DDX51: variants seen among roughly 807,000 people sequenced by gnomAD.
DDX51 encodes DEAD-box helicase 51.
DDX51 carries 67 observed loss-of-function variants against 74.6 expected under a neutral mutation model. The ratio of observed to expected loss-of-function variants is 0.90; its 90% CI spans 0.74 to 1.10. The LOEUF (loss-of-function observed/expected upper bound fraction) is 1.10. Ranked by LOEUF, DDX51 falls within the 50% of genes least tolerant of loss-of-function variation. DDX51 has a pLI of 0.00. For missense variants in DDX51, 1,056 were observed against 905.2 expected (o/e 1.17, Z -2.14); for synonymous variants, 545 against 402.9 (o/e 1.35, Z -4.22).
At chr12:132,139,331 C>A in intron 14 of DDX51, 33 bp from the exon 15 acceptor site, 4 of 1,603,306 alleles carry the variant, frequency 2.5e-6, no homozygotes, top group Non-Finnish European at 3.4e-6. Flanking sequence ...CAGCACCACA[C>A]ACTCTGTCCC....
In DDX51 at chr12:132,136,811, A is replaced by T. The variant is rs1565951493; in HGVS notation, c.*2461T>A. ...CTTGAGTAGTTGGGACTCCAGGCAC[A>T]CGCCACCACGCTCAGCTAAGTTTTG... On this transcript the variant is annotated 3_prime_UTR_variant, in exon 15 of 15. Coordinates refer to ENST00000397333, the MANE Select transcript of DDX51 (RefSeq NM_175066.4). 6.6e-6 allele frequency: 1 copy of T among 152,134 alleles called. No homozygotes were observed. Among genetic ancestry groups the T allele is most frequent in the African/African-American group, 2.4e-5 (1 of 41,380 alleles). The allele number at this position is 152,134 out of a possible 1,614,324, so 9.4% of individuals were successfully genotyped here.
In DDX51 at chr12:132,138,781, G is replaced by A. The variant is rs888942475; in HGVS notation, c.*491C>T. The stretch of plus-strand genomic sequence containing the variant: ...TTACAGGCATGCACCACCACGCCTG[G>A]CTAATTTTGTATTTTTAGTAGAGAC... On this transcript the variant is annotated 3_prime_UTR_variant, in exon 15 of 15. Coordinates refer to ENST00000397333, the MANE Select transcript of DDX51 (RefSeq NM_175066.4). The A allele has an allele frequency of 7.1e-5, 11 of 154,244 alleles. No homozygotes were observed. The highest frequency in any genetic ancestry group is 1.3e-4 in the Admixed American group (2 of 15,524). The allele number at this position is 154,244 out of a possible 1,614,324, so 9.6% of individuals were successfully genotyped here.
Position 132,144,071 on chromosome 12 carries a change from CCCG to C in DDX51, c.223_225del (p.Arg75del), listed in dbSNP as rs764690188. ...GGGCTCCCCGGCTCCGCGTCGTTCA[CCCG>C]CCGCCGCCGCCGGGGCCGCCGTCGC... On this transcript the variant is annotated inframe_deletion, in exon 1 of 15. Coordinates refer to ENST00000397333, the MANE Select transcript of DDX51 (RefSeq NM_175066.4). The C allele has an allele frequency of 3.4e-4, 422 of 1,243,626 alleles. No homozygotes were observed. The highest frequency in any genetic ancestry group is 3.0e-3 in the South Asian group (91 of 30,282). 77.0% of individuals were successfully genotyped at this position (1,243,626 alleles called of 1,614,324 possible). A position where few individuals can be genotyped will look rare whatever the true frequency, so the allele number is the denominator to read the frequency against.
intron 13 of DDX51, 24 bp from the exon 14 acceptor site, chr12:132,139,793 G>C: frequency 6.2e-7 from 1 of 1,612,926 alleles, no homozygotes; most frequent in Non-Finnish European, 8.5e-7. Context: ...CATGGTGGAA[G>C]GGGGTTCTTG....
Position 132,143,826 on chromosome 12 carries a change from C to T in DDX51, c.388G>A (p.Glu130Lys). ...CTGGTGCTGCGCTCCCCCGGCGCCTCCTCGCTGCTCCCTGCGCTGGGCTCC... is the reference window on the plus strand; with the variant it reads ...CTGGTGCTGCGCTCCCCCGGCGCCTTCTCGCTGCTCCCTGCGCTGGGCTCC... ...PGEPSAGSSE[E>K]APGERSTSAS... Residue 130 changes from glutamate to lysine, a missense_variant, in exon 2 of 15, where the codon GAG becomes AAG. Glu to Lys is a moderately conservative substitution (Grantham distance 56, BLOSUM62 1). Transcript: ENST00000397333. 1 of 1,498,520 alleles carries T rather than the reference C, an allele frequency of 6.7e-7. No homozygotes were observed. Among genetic ancestry groups the T allele is most frequent in the Non-Finnish European group, 8.8e-7 (1 of 1,138,966 alleles). 92.8% of individuals were successfully genotyped at this position (1,498,520 alleles called of 1,614,324 possible).
intron 2 of DDX51, 186 bp downstream of exon 2, chr12:132,143,509 G>A (rs1208419295): frequency 2.6e-6 from 2 of 763,194 alleles, no homozygotes; most frequent in Non-Finnish European, 4.0e-6. Context: ...GCCTAGCAGA[G>A]GAAACGGGAG....
rs537158511 is a variant in DDX51 at position 132,137,484 on chromosome 12, G to A, written c.*1788C>T. 1 of 152,246 alleles carries A rather than the reference G, an allele frequency of 6.6e-6. No individual in the cohort carries two copies. Among genetic ancestry groups the A allele is most frequent in the Non-Finnish European group, 1.5e-5 (1 of 68,050 alleles). The allele number at this position is 152,246 out of a possible 1,614,324, so 9.4% of individuals were successfully genotyped here. On this transcript the variant is annotated 3_prime_UTR_variant, in exon 15 of 15. Coordinates refer to ENST00000397333, the MANE Select transcript of DDX51 (RefSeq NM_175066.4). The stretch of plus-strand genomic sequence containing the variant: ...CCTAAATCATTTCTTTCTGCCTCCT[G>A]TAACAGTCGCCTTTTGTGTTCTGCT...
In DDX51 at chr12:132,139,283, T is replaced by C; in HGVS notation, c.1990A>G (p.Arg664Gly). The change falls in exon 15 of 15, where the codon AGG becomes GGG. Residue 664 changes from arginine (R) to glycine (G), a missense_variant. By Grantham distance (125) the Arg-to-Gly change is moderately radical. Transcript: ENST00000397333. ...CTCTGAGCCCCAGCCTAGGCCGCCC[T>C]CTGCTTGCGCTCTTCCTGTGGAGGA... The part of the protein sequence containing the change: ...EESVKEERKQ[R>G]AA 1 of 1,608,870 alleles carries C rather than the reference T, an allele frequency of 6.2e-7. No individual in the cohort carries two copies. The highest frequency in any genetic ancestry group is 8.5e-7 in the Non-Finnish European group (1 of 1,178,844).
rs778409181 is a variant in DDX51, at chr12:132,140,625, G to T, written c.1551C>A (p.Ser517=). The change falls in exon 10 of 15, where the codon TCC becomes TCA. Residue 517 remains serine, a synonymous_variant. Transcript: ENST00000397333. ...VLCFTNSREN[S]HRLFLLVQAF... ...CCGCCCAGCCGGGGCCTCACCTGTG[G>T]GAGTTCTCTCGGGAGTTAGTGAAGC... The T allele has an allele frequency of 6.2e-7, 1 of 1,612,912 alleles. No individual in the cohort carries two copies. Among genetic ancestry groups the T allele is most frequent in the Non-Finnish European group, 8.5e-7 (1 of 1,180,012 alleles).
rs976467952 is a variant in DDX51 at position 132,141,195 on chromosome 12, C to G, written c.1250+80G>C. On this transcript the variant is annotated intron_variant, in intron 8 of 14. Transcript: ENST00000397333. ...GCACCAGAGCTCAAGCCACCCTTAT[C>G]TCTGGGCATTAAGGAAGGAGAGCTG... The G allele has an allele frequency of 7.5e-5, 113 of 1,514,558 alleles. 2 individuals carry two copies. In the Admixed American group the frequency reaches 1.5e-3, roughly 20 times the overall value. 93.8% of individuals were successfully genotyped at this position (1,514,558 alleles called of 1,614,324 possible).
At position 132,143,856 on chromosome 12, in the gene DDX51, G is replaced by C; in HGVS notation, c.358C>G (p.Pro120Ala). ...EPSAGSSEEA[P>A]GEPSAGSSEE... ...CTGCTCCCTGCGCTGGGCTCCCCTGGCGCCTCCTCGCTGCTCCCTGCGCTG... is the reference window on the plus strand; with the variant it reads ...CTGCTCCCTGCGCTGGGCTCCCCTGCCGCCTCCTCGCTGCTCCCTGCGCTG... The change falls in exon 2 of 15, where the codon CCA (proline) becomes GCA (alanine). Residue 120 changes from proline (P) to alanine (A), a missense_variant. Pro to Ala is a conservative substitution (Grantham distance 27). Coordinates refer to ENST00000397333, the MANE Select transcript of DDX51 (RefSeq NM_175066.4). 6.5e-7 allele frequency: 1 copy of C among 1,530,178 alleles called. No individual in the cohort carries two copies. Among genetic ancestry groups the C allele is most frequent in the Non-Finnish European group, 8.7e-7 (1 of 1,146,312 alleles). 94.8% of individuals were successfully genotyped at this position (1,530,178 alleles called of 1,614,324 possible). A position where few individuals can be genotyped will look rare whatever the true frequency, so the allele number is the denominator to read the frequency against.
intron 12 of DDX51, 30 bp downstream of exon 12, chr12:132,140,068 C>A: frequency 1.2e-6 from 2 of 1,607,870 alleles, no homozygotes; most frequent in Non-Finnish European, 1.7e-6. Context: ...AAGCCCCAGA[C>A]CCCCCAGTGG....
rs1054412774 is a variant in DDX51, at chr12:132,141,482, T to C, written c.1104+16A>G. The C allele has an allele frequency of 1.3e-6, 2 of 1,583,362 alleles. No homozygotes were observed. Among genetic ancestry groups the C allele is most frequent in the Non-Finnish European group, 1.7e-6 (2 of 1,167,786 alleles). ...GCCCTGAGCTCAAAGCCCAGGCCCC[T>C]GGGGCGGGGACCTACCAGGAAGCGG... On this transcript the variant is annotated intron_variant, in intron 7 of 14. Transcript: ENST00000397333.
intron 10 of DDX51, 36 bp from the exon 11 acceptor site, chr12:132,140,575 G>C: frequency 6.2e-7 from 1 of 1,612,786 alleles, no homozygotes; most frequent in Non-Finnish European, 8.5e-7. Context: ...AGTGATGCTG[G>C]GACCAGAGGC....
intron 12 of DDX51, 78 bp from the exon 13 acceptor site, chr12:132,140,002 C>A: frequency 1.2e-6 from 2 of 1,607,926 alleles, no homozygotes; most frequent in Non-Finnish European, 8.5e-7. Flanking sequence ...TCTCTCCACA[C>A]CAACCCCACC....
chr12:132,139,230 G>A lies in DDX51; in HGVS notation c.*42C>T. 1 of 1,600,820 alleles carries A rather than the reference G, an allele frequency of 6.2e-7. No homozygotes were observed. The highest frequency in any genetic ancestry group is 1.7e-4 in the Middle Eastern group (1 of 6,052). On this transcript the variant is annotated 3_prime_UTR_variant, in exon 15 of 15. Transcript: ENST00000397333. ...CAGCACTGCTCTGGAAGGAGGGTCAGGGTGGTGAGCGTTCAGTCCCTCCGG... is the reference window on the plus strand; with the variant it reads ...CAGCACTGCTCTGGAAGGAGGGTCAAGGTGGTGAGCGTTCAGTCCCTCCGG...
rs1565955263 is a variant in DDX51 at position 132,142,735 on chromosome 12, G to A, written c.663C>T (p.Tyr221=). Residue 221 remains tyrosine, a synonymous_variant, in exon 3 of 15, where the codon TAC becomes TAT. Transcript: ENST00000397333. The stretch of plus-strand genomic sequence containing the variant: ...TGCCCGGGGCTGGGGCACCTGGAAA[G>A]TAGGACGAGATGCCGTGTGCCCGCA... The part of the protein sequence containing the change: ...KQLRAHGISS[Y]FPVQAAVIPA... 6.2e-7 allele frequency: 1 copy of A among 1,612,780 alleles called. No individual in the cohort carries two copies. Among genetic ancestry groups the A allele is most frequent in the Non-Finnish European group, 8.5e-7 (1 of 1,179,986 alleles).
Position 132,141,955 on chromosome 12 carries a change from A to G in DDX51, c.890T>C (p.Val297Ala). Reference sequence around the variant, plus strand: ...TGTGTAGATGTTGAAAACTTTGCTCACCTGCAGGAGAAGTCTGTCACTGGC... The same window carrying G: ...TGTGTAGATGTTGAAAACTTTGCTCGCCTGCAGGAGAAGTCTGTCACTGGC... ...VLPTKELAQQ[V>A]SKVFNIYTDA... The change falls in exon 6 of 15, where the codon GTG becomes GCG. Residue 297 changes from valine to alanine, a missense_variant and splice_region_variant. Transcript: ENST00000397333. 1 of 1,612,400 alleles carries G rather than the reference A, an allele frequency of 6.2e-7. No homozygotes were observed. Among genetic ancestry groups the G allele is most frequent in the Middle Eastern group, 1.7e-4 (1 of 6,056 alleles).
At position 132,137,270 on chromosome 12, in the gene DDX51, G is replaced by C. The variant is rs1897284066; in HGVS notation, c.*2002C>G. ...GCCCATTGTGGAAGTGTGAAGTTTG[G>C]TGATCACCCAGGAGACACCCCCCGC... On this transcript the variant is annotated 3_prime_UTR_variant, in exon 15 of 15. Coordinates refer to ENST00000397333, the MANE Select transcript of DDX51 (RefSeq NM_175066.4). 6.6e-6 allele frequency: 1 copy of C among 152,148 alleles called. No individual in the cohort carries two copies. Among genetic ancestry groups the C allele is most frequent in the Non-Finnish European group, 1.5e-5 (1 of 68,038 alleles). The allele number at this position is 152,148 out of a possible 1,614,324, so 9.4% of individuals were successfully genotyped here.
Sources: gnomAD v4.1 joint callset for allele counts on GRCh38, gnomAD v4.1.1 for gene constraint, MANE v1.5 for transcripts, NCBI Gene and HGNC (gene_info 2026-07-23, HGNC 2026-07-21) for gene names.